CCNF: variants seen among roughly 807,000 people sequenced by gnomAD.
CCNF encodes the protein cyclin-F.
Under a neutral mutation model 85.4 loss-of-function variants are expected in CCNF, and 30 were observed. That is an observed-to-expected ratio of 0.35 (90% confidence interval 0.26 to 0.48). CCNF has a LOEUF of 0.48. Among genes scored for constraint, CCNF ranks in the 20% least tolerant of loss-of-function variants. CCNF has a pLI of 0.99. For missense variants in CCNF, 919 were observed against 1,010.4 expected (o/e 0.91, Z 1.23); for synonymous variants, 439 against 425.1 (o/e 1.03, Z -0.40).
rs1370211710 is a variant in CCNF, at chr16:2,453,485, A to T, written c.1663A>T (p.Thr555Ser). Reference protein sequence around the residue: ...DSPDPPTFLSTGEIHAFLSSP... With the variant: ...DSPDPPTFLSSGEIHAFLSSP... ...CCCCGACCCCCCGACTTTCCTCAGCACAGGGGAGATCCACGCCTTCCTCAG... is the reference window on the plus strand; with the variant it reads ...CCCCGACCCCCCGACTTTCCTCAGCTCAGGGGAGATCCACGCCTTCCTCAG... Residue 555 changes from threonine (T) to serine (S), a missense_variant, in exon 15 of 17, where the codon ACA becomes TCA. By Grantham distance (58) the Thr-to-Ser change is moderately conservative. Transcript: ENST00000397066. The surrounding 1 kb of genome is among the most constrained non-coding windows in gnomAD (Gnocchi z 5.6). 3 of 1,613,950 alleles carry T rather than the reference A, an allele frequency of 1.9e-6. No homozygotes were observed. The highest frequency in any genetic ancestry group is 2.5e-6 in the Non-Finnish European group (3 of 1,180,002).
At position 2,453,162 on chromosome 16, in the gene CCNF, T is replaced by TG. The variant is rs753728750; in HGVS notation, c.1488-44dup. 69 of 1,520,008 alleles carry TG rather than the reference T, an allele frequency of 4.5e-5. No homozygotes were observed. Among genetic ancestry groups the TG allele is most frequent in the Non-Finnish European group, 5.9e-5 (65 of 1,095,170 alleles). 94.2% of individuals were successfully genotyped at this position (1,520,008 alleles called of 1,614,324 possible). ...CACTTCAGTGAACTGAAGCTAAAAA[T>TG]GGGGTGGGGGTGCCTCACATGTCCA... is the stretch of plus-strand genomic sequence containing the variant. On this transcript the variant is annotated intron_variant, in intron 13 of 16. Coordinates refer to ENST00000397066, the MANE Select transcript of CCNF (RefSeq NM_001761.3). The surrounding 1 kb of genome is among the most constrained non-coding windows in gnomAD (Gnocchi z 5.6).
intron 10 of CCNF, 100 bp downstream of exon 10, chr16:2,445,722 T>TTG (rs1255882655): frequency 3.0e-5 from 30 of 995,404 alleles, no homozygotes; most frequent in East Asian, 1.2e-4. Context: ...TGGTTTTGTT[T>TTG]TGTGTTGTTT....
chr16:2,439,422 T>C lies in CCNF; in HGVS notation c.664T>C (p.Ser222Pro), dbSNP rs775057877. ...EAAHQGCLTS[S>P]YLLWESDRRT... ...TGCTCATCAGGGATGTCTGACCAGC[T>C]CCTACCTCCTCTGGGAAAGCGACAG... Residue 222 changes from serine (S) to proline (P), a missense_variant, in exon 7 of 17, where the codon TCC becomes CCC. This residue lies in a region of CCNF where 410 missense variants were observed against 478.6 expected (regional missense o/e 0.86). Coordinates refer to ENST00000397066, the MANE Select transcript of CCNF (RefSeq NM_001761.3). The C allele has an allele frequency of 6.2e-7, 1 of 1,611,046 alleles. No individual in the cohort carries two copies. The highest frequency in any genetic ancestry group is 2.2e-5 in the East Asian group (1 of 44,876).
intron 15 of CCNF, among the ~76,000 whole-genome samples, chr16:2,454,887 C>T (rs2065416551): frequency 6.6e-6 from 1 of 152,010 alleles, no homozygotes; most frequent in African/African-American, 2.4e-5. Flanking sequence ...TGGTGAAACC[C>T]CGTTTCTACT....
At chr16:2,436,763 C>T (rs137889833) in intron 4 of CCNF, 178 of 174,098 alleles carry the variant, frequency 1.0e-3, no homozygotes, top group Middle Eastern at 7.6e-3. Context: ...ATATTCTCCT[C>T]GTCCCAAAAA....
Position 2,453,515 on chromosome 16 carries a change from C to T in CCNF, c.1693C>T (p.Pro565Ser). The T allele has an allele frequency of 6.2e-7, 1 of 1,614,090 alleles. No homozygotes were observed. The highest frequency in any genetic ancestry group is 1.1e-5 in the South Asian group (1 of 91,088). ...TGEIHAFLSS[P>S]SGRRTKRKRE... ...GGAGATCCACGCCTTCCTCAGCTCT[C>T]CCTCGGGGCGGAGAACCAAACGGTT... Residue 565 changes from proline to serine, a missense_variant, in exon 15 of 17, where the codon CCC becomes TCC. Physicochemically the swap from Pro to Ser is moderately conservative, Grantham distance 74 (BLOSUM62 -1). Transcript: ENST00000397066. This position sits in a 1 kb window ranked among gnomAD's most constrained non-coding sequence, Gnocchi z 5.6.
chr16:2,443,924 C>CTT (rs35258963), intron 9 of CCNF, 124 bp downstream of exon 9: 16,394 of 566,826 alleles, frequency 0.029, 4 homozygotes, highest in East Asian at 0.044. Context: ...CCTTATCACC[C>CTT]TTTTTTTTTT....
chr16:2,456,637 C>T lies in CCNF; in HGVS notation c.1978C>T (p.Pro660Ser). Residue 660 changes from proline (P) to serine (S), a missense_variant, in exon 17 of 17, where the codon CCA (proline) becomes TCA (serine). Physicochemically the swap from Pro to Ser is moderately conservative, Grantham distance 74. This residue lies in a region of CCNF where 505 missense variants were observed against 514.8 expected (regional missense o/e 0.98). Transcript: ENST00000397066. This position sits in a 1 kb window ranked among gnomAD's most constrained non-coding sequence, Gnocchi z 4.5. ...GGAATCCAGTGATGAGGAGGCTTGT[C>T]CAGAGGACAAGGGACCCCAGGACCC... is the stretch of plus-strand genomic sequence containing the variant. ...CQESSDEEAC[P>S]EDKGPQDPQA... The T allele has an allele frequency of 6.2e-7, 1 of 1,612,310 alleles. No homozygotes were observed. The highest frequency in any genetic ancestry group is 2.2e-5 in the East Asian group (1 of 44,874).
Position 2,451,661 on chromosome 16 carries a change from T to C in CCNF, c.1488-1549T>C, listed in dbSNP as rs1009078422. ...GACCTCCCGGGCTCAAGGGATTCTT[T>C]TGTGTCAGCCTCCCGAGTAGCAGAA... On this transcript the variant is annotated intron_variant, in intron 13 of 16. Transcript: ENST00000397066. This position sits in a 1 kb window ranked among gnomAD's most constrained non-coding sequence, Gnocchi z 4.3. Among the ~76,000 whole-genome samples the C allele has an allele frequency of 5.3e-5, 8 of 152,172 alleles. No individual in the cohort carries two copies. In the East Asian group the frequency reaches 1.6e-3, roughly 29 times the overall value.
Position 2,435,826 on chromosome 16 carries a change from T to G in CCNF, c.299T>G (p.Phe100Cys), listed in dbSNP as rs2065287871. ...LFERAAEKGN[F>C]EAAVKLGIAY... ...TTCAGGGCTGCTGAAAAGGGGAATT[T>G]CGAAGCTGCTGTGAAGCTGGGCATA... The change falls in exon 4 of 17, where the codon TTC becomes TGC. Residue 100 changes from phenylalanine to cysteine, a missense_variant. This residue lies in a region of CCNF where 410 missense variants were observed against 478.6 expected (regional missense o/e 0.86). Transcript: ENST00000397066. The G allele has an allele frequency of 6.2e-7, 1 of 1,613,692 alleles. No individual in the cohort carries two copies. The highest frequency in any genetic ancestry group is 1.3e-5 in the African/African-American group (1 of 74,860).
Position 2,456,850 on chromosome 16 carries a change from G to C in CCNF, c.2191G>C (p.Asp731His). ...CCAACCTACCTCAGTGCTGTCCCTG[G>C]ACAGTGACTCGCACACACAGCCCTG... The part of the protein sequence containing the change: ...LPQPTSVLSL[D>H]SDSHTQPCHH... The change falls in exon 17 of 17, where the codon GAC becomes CAC. Residue 731 changes from aspartate (D) to histidine (H), a missense_variant. Asp to His is a moderately conservative substitution (Grantham distance 81, BLOSUM62 -1). This residue lies in a region of CCNF where 505 missense variants were observed against 514.8 expected (regional missense o/e 0.98). Coordinates refer to ENST00000397066, the MANE Select transcript of CCNF (RefSeq NM_001761.3). The surrounding 1 kb of genome is among the most constrained non-coding windows in gnomAD (Gnocchi z 4.5). 6.2e-7 allele frequency: 1 copy of C among 1,614,052 alleles called. No individual in the cohort carries two copies. Among genetic ancestry groups the C allele is most frequent in the Non-Finnish European group, 8.5e-7 (1 of 1,180,026 alleles).
At chr16:2,449,607 A>G (rs369985302) in intron 12 of CCNF, 145 bp downstream of exon 12, 2 of 848,272 alleles carry the variant, frequency 2.4e-6, no homozygotes, top group East Asian at 2.7e-5. Context: ...ACCTTCAGTG[A>G]TGTCCCAGAT....
chr16:2,456,881 A>G lies in CCNF; in HGVS notation c.2222A>G (p.His741Arg), dbSNP rs924477796. 6.2e-7 allele frequency: 1 copy of G among 1,614,024 alleles called. No homozygotes were observed. The highest frequency in any genetic ancestry group is 8.5e-7 in the Non-Finnish European group (1 of 1,180,026). Reference protein sequence around the residue: ...DSDSHTQPCHHQARKSCLQCR... With the variant: ...DSDSHTQPCHRQARKSCLQCR... ...GACTCGCACACACAGCCCTGCCACC[A>G]TCAGGCCAGGAAGTCATGTTTACAG... The change falls in exon 17 of 17, where the codon CAT (histidine) becomes CGT (arginine). Residue 741 changes from histidine (H) to arginine (R), a missense_variant. Transcript: ENST00000397066. The surrounding 1 kb of genome is among the most constrained non-coding windows in gnomAD (Gnocchi z 4.5).
At chr16:2,439,492 T>C (rs531206169) in intron 7 of CCNF, 35 bp downstream of exon 7, 5 of 1,480,960 alleles carry the variant, frequency 3.4e-6, no homozygotes, top group East Asian at 2.3e-5. Context: ...GGGGGAGTTA[T>C]GCTGGACAAA....
chr16:2,436,045 C>T (rs2065289446), intron 4 of CCNF, 172 bp downstream of exon 4: 1 of 518,316 alleles, frequency 1.9e-6, no homozygotes, highest in Non-Finnish European at 3.5e-6. Flanking sequence ...GCTGAGGGAC[C>T]TGCTAATGAT....
At position 2,439,448 on chromosome 16, in the gene CCNF, G is replaced by C; in HGVS notation, c.690G>C (p.Arg230Ser). 1.9e-6 allele frequency: 3 copies of C among 1,608,518 alleles called. No homozygotes were observed. The highest frequency in any genetic ancestry group is 2.5e-6 in the Non-Finnish European group (3 of 1,177,210). Residue 230 changes from arginine to serine, a missense_variant, in exon 7 of 17, where the codon AGG becomes AGC. Arg to Ser is a moderately radical substitution (Grantham distance 110). Around this residue, in one of 3 missense-constraint regions of CCNF, gnomAD observed 410 missense variants for 478.6 expected, o/e 0.86. Coordinates refer to ENST00000397066, the MANE Select transcript of CCNF (RefSeq NM_001761.3). ...TSSYLLWESD[R>S]RTDVSDPGRC... The stretch of plus-strand genomic sequence containing the variant: ...CCTACCTCCTCTGGGAAAGCGACAG[G>C]AGGACAGATGTGAGTGGTGCCTGCT...
Position 2,445,510 on chromosome 16 carries a change from A to AGCCTGT in CCNF, c.988_993dup (p.Cys330_Leu331dup). 6.2e-7 allele frequency: 1 copy of AGCCTGT among 1,614,134 alleles called. No homozygotes were observed. The highest frequency in any genetic ancestry group is 8.5e-7 in the Non-Finnish European group (1 of 1,180,030). ...AGTTGCCACCATGAAGGACTTCACA[A>AGCCTGT]GCCTGTGCCTGCACCTGACCGTGGA... On this transcript the variant is annotated inframe_insertion, in exon 10 of 17. Transcript: ENST00000397066.
At chr16:2,445,664 C>G (rs2065358038) in intron 10 of CCNF, 42 bp downstream of exon 10, 1 of 1,588,018 alleles carries the variant, frequency 6.3e-7, no homozygotes, top group South Asian at 1.1e-5. Flanking sequence ...ACGTGCTGGC[C>G]TTTCCCGGGT....
rs1304190638 is a variant in CCNF at position 2,449,428 on chromosome 16, A to C, written c.1365A>C (p.Ala455=). Residue 455 remains alanine, a synonymous_variant, in exon 12 of 17, where the codon GCA becomes GCC. Coordinates refer to ENST00000397066, the MANE Select transcript of CCNF (RefSeq NM_001761.3). ...SAYAPARLAA[A]ALLLARLTHG... Reference sequence around the variant, plus strand: ...ACGCCCCAGCCCGCCTGGCTGCCGCAGCCCTGCTCCTGGCCAGACTGACGC... The same window carrying C: ...ACGCCCCAGCCCGCCTGGCTGCCGCCGCCCTGCTCCTGGCCAGACTGACGC... 1 of 1,608,970 alleles carries C rather than the reference A, an allele frequency of 6.2e-7. No individual in the cohort carries two copies.
Sources: allele counts gnomAD v4.1 joint callset (sites outside exome capture counted in the v4.1 genomes callset), GRCh38; gene constraint gnomAD v4.1.1; regional missense constraint gnomAD v4.1.1; non-coding constraint Gnocchi (gnomAD v3.1); transcripts MANE v1.5; gene names NCBI Gene and HGNC (gene_info 2026-07-23, HGNC 2026-07-21).